Variants in TRADD observed in about 807,000 individuals in gnomAD.
The protein encoded by TRADD is tumor necrosis factor receptor type 1-associated DEATH domain protein.
A neutral mutation model predicts 31.5 loss-of-function variants in TRADD; 14 were observed. That is an observed-to-expected ratio of 0.44 (90% CI 0.29 to 0.69). TRADD has a LOEUF of 0.69. TRADD is among the 30% of genes least tolerant of loss of function. The pLI is 0.11. For missense variants in TRADD, 388 were observed against 435.7 expected (o/e 0.89, Z 0.97); for synonymous variants, 220 against 215.8 (o/e 1.02, Z -0.17).
chr16:67,155,754 AT>A, intron 2 of TRADD, 100 bp from the exon 3 acceptor site: 1 of 1,473,198 alleles, frequency 6.8e-7, no homozygotes, highest in South Asian at 1.3e-5. Flanking sequence ...CCCGCGTCCC[AT>A]CCCCTGACCT....
chr16:67,155,758 C>T, intron 2 of TRADD, 104 bp from the exon 3 acceptor site: 1 of 1,470,640 alleles, frequency 6.8e-7, no homozygotes, highest in Non-Finnish European at 9.0e-7. Flanking sequence ...CGTCCCATCC[C>T]CTGACCTAGG....
chr16:67,157,843 G>A (rs1006679423), intron 1 of TRADD, among the ~76,000 whole-genome samples: 2 of 152,090 alleles, frequency 1.3e-5, no homozygotes, highest in African/African-American at 4.8e-5. Flanking sequence ...ACAGCTCAAT[G>A]GTCTCCCAGT....
chr16:67,158,499 G>T (rs775897894), intron 1 of TRADD, among the ~76,000 whole-genome samples: 7 of 150,458 alleles, frequency 4.7e-5, no homozygotes, highest in Admixed American at 6.6e-5. Context: ...TAATACTTGT[G>T]TACTTACGCC....
rs1234281867 is a variant in TRADD at position 67,155,908 on chromosome 16, A to C, written c.152-254T>G. 3.3e-6 allele frequency: 5 copies of C among 1,514,184 alleles called. No individual in the cohort carries two copies. The East Asian group carries it at 7.6e-5, about 23-fold the overall frequency. 93.8% of individuals were successfully genotyped at this position (1,514,184 alleles called of 1,614,324 possible). ...ACCTAACCCCCGCTCTCACGCCCCA[A>C]ATGAGGGTTGGCAAAAGAGAGGGAC... On this transcript the variant is annotated intron_variant, in intron 2 of 4. Transcript: ENST00000345057.
Position 67,155,539 on chromosome 16 carries a change from G to A in TRADD, c.267C>T (p.Ala89=), listed in dbSNP as rs1299675355. ...CGGCGCGCAGCGCCCCCTCGCGGTAGGCGCGGAGGAAGCGGCCACAGGGCT... is the reference window on the plus strand; with the variant it reads ...CGGCGCGCAGCGCCCCCTCGCGGTAAGCGCGGAGGAAGCGGCCACAGGGCT... The part of the protein sequence containing the change: ...GRQPCGRFLR[A]YREGALRAAL... The change falls in exon 3 of 5, where the codon GCC becomes GCT. Residue 89 remains alanine (A), a synonymous_variant. Transcript: ENST00000345057. The A allele has an allele frequency of 3.3e-6, 5 of 1,521,050 alleles. No individual in the cohort carries two copies. Among genetic ancestry groups the A allele is most frequent in the Non-Finnish European group, 3.5e-6 (4 of 1,142,338 alleles). 94.2% of individuals were successfully genotyped at this position (1,521,050 alleles called of 1,614,324 possible).
Position 67,155,133 on chromosome 16 carries a change from T to C in TRADD, c.591A>G (p.Pro197=), listed in dbSNP as rs2030622958. Residue 197 remains proline (P), a synonymous_variant, in exon 4 of 5, where the codon CCA becomes CCG. Coordinates refer to ENST00000345057, the MANE Select transcript of TRADD (RefSeq NM_003789.4). ...CCTGGAACAGAAAAGTCTGGGCAGG[T>C]GGCGGCGGCGGCGGCGGCTTCACCT... ...LSEVKPPPPP[P]PAQTFLFQGQ... 6.5e-7 allele frequency: 1 copy of C among 1,544,872 alleles called. No individual in the cohort carries two copies. Among genetic ancestry groups the C allele is most frequent in the Non-Finnish European group, 8.7e-7 (1 of 1,148,494 alleles).
intron 1 of TRADD, among the ~76,000 whole-genome samples, chr16:67,157,766 CTG>C (rs374069132): frequency 6.6e-5 from 10 of 152,332 alleles, no homozygotes; most frequent in African/African-American, 1.9e-4. Flanking sequence ...CCTCCATCTT[CTG>C]ACAAAAACCT....
intron 4 of TRADD, 21 bp downstream of exon 4, chr16:67,155,075 G>A (rs773461507): frequency 1.4e-5 from 17 of 1,258,380 alleles, no homozygotes; most frequent in African/African-American, 1.7e-5. Flanking sequence ...TGGTGACCCC[G>A]CCTCTCCACC....
At chr16:67,157,152 C>T (rs1169658460) in intron 1 of TRADD, among the ~76,000 whole-genome samples, 1 of 152,190 alleles carries the variant, frequency 6.6e-6, no homozygotes, top group East Asian at 1.9e-4. Flanking sequence ...TAAGACTAAA[C>T]CTCCTGTCTT....
Position 67,156,976 on chromosome 16 carries a change from A to G in TRADD, c.-8-308T>C, listed in dbSNP as rs1173359142. ...AGGGGGAGCAGAGGCAGATCCTGCA[A>G]TGGGGCTTCTCTGCTTCCTTCTCAG... On this transcript the variant is annotated intron_variant, in intron 1 of 4. Coordinates refer to ENST00000345057, the MANE Select transcript of TRADD (RefSeq NM_003789.4). This position sits in a 1 kb window ranked among gnomAD's most constrained non-coding sequence, Gnocchi z 4.6. Among the ~76,000 whole-genome samples the G allele has an allele frequency of 6.6e-6, 1 of 152,202 alleles. No individual in the cohort carries two copies. The highest frequency in any genetic ancestry group is 1.5e-5 in the Non-Finnish European group (1 of 68,036).
In TRADD at chr16:67,156,702, C is replaced by T. The variant is rs752743507; in HGVS notation, c.-8-34G>A. 1.2e-6 allele frequency: 2 copies of T among 1,611,298 alleles called. No homozygotes were observed. Among genetic ancestry groups the T allele is most frequent in the Non-Finnish European group, 1.7e-6 (2 of 1,179,914 alleles). ...GCAGACAGTCAGGTATCCAGTTCAT[C>T]CCCCCTCCCTCCACCCTGGAGACAA... On this transcript the variant is annotated intron_variant, in intron 1 of 4. Coordinates refer to ENST00000345057, the MANE Select transcript of TRADD (RefSeq NM_003789.4). This position sits in a 1 kb window ranked among gnomAD's most constrained non-coding sequence, Gnocchi z 4.6.
At position 67,156,387 on chromosome 16, in the gene TRADD, C is replaced by T; in HGVS notation, c.151+123G>A. On this transcript the variant is annotated intron_variant, in intron 2 of 4. Transcript: ENST00000345057. This position sits in a 1 kb window ranked among gnomAD's most constrained non-coding sequence, Gnocchi z 4.6. ...AAGCAAAGAAGAGAGTCTGCACAGC[C>T]AGGGGTCCTCCGTCTTGCTCCTCCC... The T allele has an allele frequency of 6.9e-7, 1 of 1,449,440 alleles. No individual in the cohort carries two copies. Among genetic ancestry groups the T allele is most frequent in the Non-Finnish European group, 9.5e-7 (1 of 1,057,956 alleles). 89.8% of individuals were successfully genotyped at this position (1,449,440 alleles called of 1,614,324 possible). A position where few individuals can be genotyped will look rare whatever the true frequency, so the allele number is the denominator to read the frequency against.
intron 1 of TRADD, among the ~76,000 whole-genome samples, chr16:67,157,566 T>C (rs1018087162): frequency 1.2e-4 from 18 of 152,166 alleles, no homozygotes; most frequent in African/African-American, 4.3e-4. Context: ...TTCCTAAGCA[T>C]ACTAGGCCCC....
chr16:67,154,906 G>A lies in TRADD; in HGVS notation c.682C>T (p.Leu228Phe). 2 of 1,606,016 alleles carry A rather than the reference G, an allele frequency of 1.2e-6. No homozygotes were observed. Among genetic ancestry groups the A allele is most frequent in the Non-Finnish European group, 1.7e-6 (2 of 1,176,608 alleles). Residue 228 changes from leucine to phenylalanine, a missense_variant, in exon 5 of 5, where the codon CTC becomes TTC. By Grantham distance (22) the Leu-to-Phe change is conservative. Transcript: ENST00000345057. This position sits in a 1 kb window ranked among gnomAD's most constrained non-coding sequence, Gnocchi z 5.2. ...DQQTFARSVG[L>F]KWRKVGRSLQ... The stretch of plus-strand genomic sequence containing the variant: ...GAGCGCCCCACCTTGCGCCATTTGA[G>A]ACCCACAGAGCGCGCGAACGTCTGT...
intron 1 of TRADD, among the ~76,000 whole-genome samples, chr16:67,158,384 T>C (rs963754861): frequency 1.7e-4 from 26 of 152,204 alleles, no homozygotes; most frequent in African/African-American, 5.5e-4. Context: ...CAGGCTGGTC[T>C]CAAACTCCTG....
Position 67,156,044 on chromosome 16 carries a change from G to T in TRADD, c.152-390C>A, listed in dbSNP as rs2145908293. The stretch of plus-strand genomic sequence containing the variant: ...CTCAGGTCTTCGGCCTCCACCAAGC[G>T]CGACTCCCACTGCTCGGGAAGAAGA... On this transcript the variant is annotated intron_variant, in intron 2 of 4. Transcript: ENST00000345057. The surrounding 1 kb of genome is among the most constrained non-coding windows in gnomAD (Gnocchi z 4.6). The T allele has an allele frequency of 7.3e-7, 1 of 1,360,814 alleles. No homozygotes were observed. The highest frequency in any genetic ancestry group is 9.6e-7 in the Non-Finnish European group (1 of 1,036,570). The allele number at this position is 1,360,814 out of a possible 1,614,324, so 84.3% of individuals were successfully genotyped here.
chr16:67,154,520 G>T lies in TRADD; in HGVS notation c.*129C>A. The stretch of plus-strand genomic sequence containing the variant: ...GCTCCTGGGGAAGGCAATCAACTCT[G>T]CCCCAGCAGGTCCAGCAGATAGGCC... On this transcript the variant is annotated 3_prime_UTR_variant, in exon 5 of 5. Coordinates refer to ENST00000345057, the MANE Select transcript of TRADD (RefSeq NM_003789.4). The surrounding 1 kb of genome is among the most constrained non-coding windows in gnomAD (Gnocchi z 5.2). 1 of 1,175,696 alleles carries T rather than the reference G, an allele frequency of 8.5e-7. No individual in the cohort carries two copies. Among genetic ancestry groups the T allele is most frequent in the Non-Finnish European group, 1.2e-6 (1 of 826,146 alleles). 72.8% of individuals were successfully genotyped at this position (1,175,696 alleles called of 1,614,324 possible).
In TRADD at chr16:67,154,536, C is replaced by T; in HGVS notation, c.*113G>A. ...ATCAACTCTGCCCCAGCAGGTCCAG[C>T]AGATAGGCCAAGTGGAGTTTCAGGG... On this transcript the variant is annotated 3_prime_UTR_variant, in exon 5 of 5. Transcript: ENST00000345057. The surrounding 1 kb of genome is among the most constrained non-coding windows in gnomAD (Gnocchi z 5.2). The T allele has an allele frequency of 2.2e-6, 3 of 1,341,968 alleles. No homozygotes were observed. Among genetic ancestry groups the T allele is most frequent in the Non-Finnish European group, 3.1e-6 (3 of 972,918 alleles). The allele number at this position is 1,341,968 out of a possible 1,614,324, so 83.1% of individuals were successfully genotyped here.
Position 67,155,672 on chromosome 16 carries a change from C to T in TRADD, c.152-18G>A. ...GCCGCTCTCTGCGGAGGCGGGCGGT[C>T]AGGCGCCGGGCGGTCCCCAAGCTCG... On this transcript the variant is annotated intron_variant, in intron 2 of 4. Transcript: ENST00000345057. The T allele has an allele frequency of 6.4e-7, 1 of 1,560,674 alleles. No homozygotes were observed. The highest frequency in any genetic ancestry group is 8.6e-7 in the Non-Finnish European group (1 of 1,161,322).
Sources: allele counts gnomAD v4.1 joint callset (sites outside exome capture counted in the v4.1 genomes callset), GRCh38; gene constraint gnomAD v4.1.1; non-coding constraint Gnocchi (gnomAD v3.1); transcripts MANE v1.5; gene names NCBI Gene and HGNC (gene_info 2026-07-23, HGNC 2026-07-21).